RASAL2: variants seen among roughly 807,000 people sequenced by gnomAD.
RASAL2 encodes RAS protein activator like 2.
In RASAL2, 58 loss-of-function variants were observed where a neutral mutation model predicts 128.9. The observed-to-expected ratio is 0.45, with a 90% CI of 0.36 to 0.56. The LOEUF is 0.56. Among genes scored for constraint, RASAL2 ranks in the 20% least tolerant of loss-of-function variants. RASAL2 has a pLI of 0.00. For synonymous variants in RASAL2, 561 were observed against 580.8 expected (o/e 0.97, Z 0.49); for missense variants, 1,360 against 1,601.6 (o/e 0.85, Z 2.57).
rs368861435 is a variant in RASAL2 at position 178,455,134 on chromosome 1, TTC to T, written c.2211+488_2211+489del. On this transcript the variant is annotated intron_variant, in intron 12 of 17. Coordinates refer to ENST00000367649, the MANE Select transcript of RASAL2 (RefSeq NM_170692.4). ...ATTATTAGTGCTAACAGTCATTGTT[TTC>T]TTTCTTTACAGATGTGAATTAAGAA... 2.5e-4 allele frequency among the ~76,000 whole-genome samples: 38 copies of T among 152,292 alleles called. 1 individual carries two copies. The East Asian group carries it at 6.7e-3, about 27-fold the overall frequency.
chr1:178,322,230 A>AT (rs1179059333), intron 3 of RASAL2, among the ~76,000 whole-genome samples: 1 of 151,714 alleles, frequency 6.6e-6, no homozygotes, highest in Non-Finnish European at 1.5e-5. Context: ...CTTCTGTGAC[A>AT]TTTTTTCCTC....
chr1:178,383,170 C>T lies in RASAL2; in HGVS notation c.458-6930C>T, dbSNP rs188413788. ...GATGGCTTTACTTTATGAGAATTTA[C>T]CACATTTATGTACTTAGCACCAATT... On this transcript the variant is annotated intron_variant, in intron 3 of 17. Coordinates refer to ENST00000367649, the MANE Select transcript of RASAL2 (RefSeq NM_170692.4). Among the ~76,000 whole-genome samples the T allele has an allele frequency of 1.9e-4, 29 of 152,190 alleles. No individual in the cohort carries two copies. In the East Asian group the frequency reaches 5.0e-3, roughly 26 times the overall value.
chr1:178,432,482 A>G (rs1278485933), intron 5 of RASAL2, among the ~76,000 whole-genome samples: 1 of 152,028 alleles, frequency 6.6e-6, no homozygotes, highest in Non-Finnish European at 1.5e-5. Flanking sequence ...AAATGTTAAC[A>G]TGCCTCAGGT....
At position 178,283,698 on chromosome 1, in the gene RASAL2, T is replaced by C. The variant is rs921390383; in HGVS notation, c.330+7T>C. 2 of 1,612,918 alleles carry C rather than the reference T, an allele frequency of 1.2e-6. No individual in the cohort carries two copies. Among genetic ancestry groups the C allele is most frequent in the African/African-American group, 2.7e-5 (2 of 74,962 alleles). On this transcript the variant is annotated splice_region_variant and intron_variant, in intron 2 of 17. Coordinates refer to ENST00000367649, the MANE Select transcript of RASAL2 (RefSeq NM_170692.4). ...GCTCAACAAGGAGAAGGAGGTGAGATGGATATTATTCAGGAAAGTTAGTTT... is the reference window on the plus strand; with the variant it reads ...GCTCAACAAGGAGAAGGAGGTGAGACGGATATTATTCAGGAAAGTTAGTTT...
At chr1:178,443,366 C>T in intron 8 of RASAL2, 137 bp downstream of exon 8, 4 of 784,590 alleles carry the variant, frequency 5.1e-6, no homozygotes, top group Non-Finnish European at 5.7e-6. Context: ...AAGAAGAAAA[C>T]CTATTAGATC....
At chr1:178,394,345 T>G (rs1387066816) in intron 4 of RASAL2, among the ~76,000 whole-genome samples, 1 of 152,214 alleles carries the variant, frequency 6.6e-6, no homozygotes, top group Non-Finnish European at 1.5e-5. Flanking sequence ...GAGGAACAAT[T>G]GAATAAATAA....
intron 1 of RASAL2, among the ~76,000 whole-genome samples, chr1:178,148,250 G>C (rs1660797177): frequency 6.6e-6 from 1 of 151,620 alleles, no homozygotes; most frequent in Admixed American, 6.6e-5. Flanking sequence ...AGATAGAAAA[G>C]GGTAAGGCTT....
chr1:178,208,151 G>A (rs1240772397), intron 1 of RASAL2, among the ~76,000 whole-genome samples: 1 of 152,144 alleles, frequency 6.6e-6, no homozygotes, highest in African/African-American at 2.4e-5. Context: ...TATGAAATCA[G>A]TGCACCTTGA....
intron 3 of RASAL2, among the ~76,000 whole-genome samples, chr1:178,360,218 C>G (rs1050600602): frequency 6.6e-6 from 1 of 152,182 alleles, no homozygotes; most frequent in Non-Finnish European, 1.5e-5. Flanking sequence ...ACTCCTCCAC[C>G]CCTGCTCTAC....
chr1:178,366,469 G>C (rs756887768), intron 3 of RASAL2, among the ~76,000 whole-genome samples: 1 of 151,884 alleles, frequency 6.6e-6, no homozygotes, highest in Non-Finnish European at 1.5e-5. Flanking sequence ...AGTGGTTTTG[G>C]TTTCTTCAAG....
At chr1:178,393,493 A>G (rs1482380342) in intron 4 of RASAL2, among the ~76,000 whole-genome samples, 1 of 152,222 alleles carries the variant, frequency 6.6e-6, no homozygotes, top group African/African-American at 2.4e-5. Flanking sequence ...GGCAGAGCTC[A>G]GGCTGCAAGT....
At chr1:178,099,324 T>G (rs1658805653) in intron 1 of RASAL2, among the ~76,000 whole-genome samples, 1 of 152,226 alleles carries the variant, frequency 6.6e-6, no homozygotes, top group African/African-American at 2.4e-5. Context: ...TTCCAATGAT[T>G]TCCAAATACA....
At chr1:178,285,057 A>AAACAAT (rs1666953874) in intron 2 of RASAL2, among the ~76,000 whole-genome samples, 1 of 151,340 alleles carries the variant, frequency 6.6e-6, no homozygotes, top group African/African-American at 2.4e-5. Context: ...ACTACCAATA[A>AAACAAT]AACAATTCCA....
intron 14 of RASAL2, among the ~76,000 whole-genome samples, chr1:178,461,529 A>G (rs1430664216): frequency 6.6e-6 from 1 of 151,816 alleles, no homozygotes; most frequent in East Asian, 1.9e-4. Flanking sequence ...TTTCCTCTCT[A>G]TTTTGTTTTT....
intron 4 of RASAL2, among the ~76,000 whole-genome samples, chr1:178,396,457 C>T (rs1673233151): frequency 6.6e-6 from 1 of 152,092 alleles, no homozygotes; most frequent in Non-Finnish European, 1.5e-5. Context: ...TAATTAGCTA[C>T]TAAGTATAAC....
intron 3 of RASAL2, chr1:178,341,522 A>G (rs1280014285): frequency 2.5e-6 from 4 of 1,610,940 alleles, no homozygotes; most frequent in South Asian, 1.1e-5. Flanking sequence ...AGGCGAGTAC[A>G]GTATACAAAG....
intron 1 of RASAL2, among the ~76,000 whole-genome samples, chr1:178,263,985 G>C (rs931454459): frequency 6.6e-6 from 1 of 152,108 alleles, no homozygotes; most frequent in African/African-American, 2.4e-5. Context: ...CTTCCTTCTG[G>C]TATATTTAGG....
At chr1:178,274,024 A>G (rs1666380772) in intron 1 of RASAL2, among the ~76,000 whole-genome samples, 1 of 152,248 alleles carries the variant, frequency 6.6e-6, no homozygotes, top group Admixed American at 6.5e-5. Flanking sequence ...TTTGTGATTC[A>G]AATGGGTCTC....
chr1:178,466,022 A>G lies in RASAL2; in HGVS notation c.3490A>G (p.Lys1164Glu). The G allele has an allele frequency of 6.4e-7, 1 of 1,573,346 alleles. No individual in the cohort carries two copies. The highest frequency in any genetic ancestry group is 8.6e-7 in the Non-Finnish European group (1 of 1,157,914). Residue 1164 changes from lysine (K) to glutamate (E), a missense_variant, in exon 16 of 18, where the codon AAG becomes GAG. By Grantham distance (56) the Lys-to-Glu change is moderately conservative. Around this residue, in one of 3 missense-constraint regions of RASAL2, gnomAD observed 741 missense variants for 868.6 expected, o/e 0.85. Coordinates refer to ENST00000367649, the MANE Select transcript of RASAL2 (RefSeq NM_170692.4). The stretch of plus-strand genomic sequence containing the variant: ...GCTGGTGCAGGAGCAGCAGATGCAG[A>G]AGCTGCTGCTGGAATACAAGGCCCG... ...RLLVQEQQMQ[K>E]LLLEYKARLE...
Sources: allele counts gnomAD v4.1 joint callset (sites outside exome capture counted in the v4.1 genomes callset), GRCh38; gene constraint gnomAD v4.1.1; regional missense constraint gnomAD v4.1.1; transcripts MANE v1.5; gene names NCBI Gene and HGNC (gene_info 2026-07-23, HGNC 2026-07-21).